The following SREBF1 variants were observed in gnomAD, a reference collection of about 807,000 sequenced individuals.
SREBF1 encodes the protein sterol regulatory element binding transcription factor 1.
SREBF1 carries 45 observed loss-of-function variants against 100.1 expected under a neutral mutation model. The observed-to-expected ratio is 0.45, with a 90% confidence interval of 0.35 to 0.58. The LOEUF (loss-of-function observed/expected upper bound fraction) is 0.58. SREBF1 is among the 20% of genes least tolerant of loss of function. SREBF1 has a pLI of 0.00. For missense variants in SREBF1, 1,324 were observed against 1,539.4 expected (o/e 0.86, Z 2.34); for synonymous variants, 657 against 681.8 (o/e 0.96, Z 0.57).
rs1398127356 is a variant in SREBF1 at position 17,817,490 on chromosome 17, A to G, written c.1405-33T>C. 3 of 1,560,576 alleles carry G rather than the reference A, an allele frequency of 1.9e-6. No individual in the cohort carries two copies. The East Asian group carries it at 7.1e-5, about 37-fold the overall frequency. ...GGTTGGGCAGGGTGGTGAGGGCAGAATCGGAGGGACCCCAGAGAGCATGGG... is the reference window on the plus strand; with the variant it reads ...GGTTGGGCAGGGTGGTGAGGGCAGAGTCGGAGGGACCCCAGAGAGCATGGG... On this transcript the variant is annotated intron_variant, in intron 7 of 18. Coordinates refer to ENST00000261646, the MANE Select transcript of SREBF1 (RefSeq NM_004176.5). The surrounding 1 kb of genome is among the most constrained non-coding windows in gnomAD (Gnocchi z 6.6).
At chr17:17,827,112 C>A (rs1184522226) in intron 1 of SREBF1, among the ~76,000 whole-genome samples, 1 of 152,162 alleles carries the variant, frequency 6.6e-6, no homozygotes, top group Admixed American at 6.5e-5. Flanking sequence ...GCAGAAGAAA[C>A]AGTGTGTGCA....
intron 9 of SREBF1, 88 bp downstream of exon 9, chr17:17,816,870 C>T (rs2033647382): frequency 6.3e-7 from 1 of 1,597,940 alleles, no homozygotes; most frequent in Admixed American, 1.7e-5. Flanking sequence ...TCATGGTGTG[C>T]ACAGGGAGCA....
In SREBF1 at chr17:17,824,730, G is replaced by A. The variant is rs905042038; in HGVS notation, c.92-4209C>T. ...CACACCCCAGTTGGCTGCAACCTGA[G>A]AGGGTGCCTGAACCCTGGGCAGACC... On this transcript the variant is annotated intron_variant, in intron 1 of 18. Coordinates refer to ENST00000261646, the MANE Select transcript of SREBF1 (RefSeq NM_004176.5). This position sits in a 1 kb window ranked among gnomAD's most constrained non-coding sequence, Gnocchi z 4.2. 1.2e-4 allele frequency among the ~76,000 whole-genome samples: 19 copies of A among 152,218 alleles called. No homozygotes were observed. The highest frequency in any genetic ancestry group is 2.9e-5 in the Non-Finnish European group (2 of 68,040).
chr17:17,832,710 G>A (rs1051248687), intron 1 of SREBF1, among the ~76,000 whole-genome samples: 7 of 152,162 alleles, frequency 4.6e-5, no homozygotes, highest in African/African-American at 1.7e-4. Flanking sequence ...CATGAGGTCA[G>A]GAGATCGAGA....
Position 17,812,852 on chromosome 17 carries a change from C to G in SREBF1, c.3215-1G>C. 6.8e-7 allele frequency: 1 copy of G among 1,473,886 alleles called. No homozygotes were observed. The highest frequency in any genetic ancestry group is 2.6e-5 in the East Asian group (1 of 39,022). The allele number at this position is 1,473,886 out of a possible 1,614,324, so 91.3% of individuals were successfully genotyped here. A position where few individuals can be genotyped will look rare whatever the true frequency, so the allele number is the denominator to read the frequency against. ...CGCGGCTCCAGCTCCGCCACCGCGC[C>G]TGCGCACACGAGGATGTGTCAGGGA... On this transcript the variant is annotated splice_acceptor_variant, in intron 18 of 18. Coordinates refer to ENST00000261646, the MANE Select transcript of SREBF1 (RefSeq NM_004176.5). LOFTEE classifies it high-confidence loss of function.
At chr17:17,818,672 C>T in intron 5 of SREBF1, 1 of 542,580 alleles carries the variant, frequency 1.8e-6, no homozygotes, top group Admixed American at 3.1e-5. Flanking sequence ...CCATCCTCTT[C>T]CTGCTTTCTC....
At chr17:17,835,200 G>T (rs1039572237) in intron 1 of SREBF1, among the ~76,000 whole-genome samples, 23 of 152,118 alleles carry the variant, frequency 1.5e-4, no homozygotes, top group Non-Finnish European at 2.9e-5. Context: ...GCTTGGTCAC[G>T]TTGCCTCTTG....
In SREBF1 at chr17:17,836,884, C is replaced by T; in HGVS notation, c.-67G>A. ...CTCGTACGGCCCTTCCTAGGGAGCGCCGCCGCGGCCCCGGCTCTCAGTCGC... is the reference window on the plus strand; with the variant it reads ...CTCGTACGGCCCTTCCTAGGGAGCGTCGCCGCGGCCCCGGCTCTCAGTCGC... On this transcript the variant is annotated 5_prime_UTR_variant, in exon 1 of 19. Transcript: ENST00000261646. 1 of 1,391,412 alleles carries T rather than the reference C, an allele frequency of 7.2e-7. No individual in the cohort carries two copies. Among genetic ancestry groups the T allele is most frequent in the Non-Finnish European group, 9.4e-7 (1 of 1,063,426 alleles). 86.2% of individuals were successfully genotyped at this position (1,391,412 alleles called of 1,614,324 possible).
rs373675923 is a variant in SREBF1, at chr17:17,817,437, C to T, written c.1425G>A (p.Pro475=). Residue 475 remains proline, a synonymous_variant, in exon 8 of 19, where the codon CCG becomes CCA. Coordinates refer to ENST00000261646, the MANE Select transcript of SREBF1 (RefSeq NM_004176.5). The surrounding 1 kb of genome is among the most constrained non-coding windows in gnomAD (Gnocchi z 6.6). ...CCAGCATGCCCCGGCTGTGCAGAGA[C>T]GGCCGCTGCTCTGGCTTTGCCTGGT... ...EDSKAKPEQR[P]SLHSRGMLDR... The T allele has an allele frequency of 9.4e-5, 150 of 1,587,760 alleles. No homozygotes were observed. The highest frequency in any genetic ancestry group is 3.3e-4 in the Middle Eastern group (2 of 5,994).
intron 13 of SREBF1, 103 bp from the exon 14 acceptor site, chr17:17,815,047 G>A: frequency 7.8e-7 from 1 of 1,286,714 alleles, no homozygotes; most frequent in East Asian, 2.5e-5. Flanking sequence ...GCTCTGCAAA[G>A]TGCCACTGTC....
chr17:17,815,650 TG>T, intron 12 of SREBF1: 1 of 616,026 alleles, frequency 1.6e-6, no homozygotes, highest in South Asian at 2.0e-5. Context: ...ATTAGCCATC[TG>T]CCCATCAATC....
In SREBF1 at chr17:17,814,635, G is replaced by A. The variant is rs375856719; in HGVS notation, c.2715C>T (p.Pro905=). 7.8e-5 allele frequency: 120 copies of A among 1,547,470 alleles called. No individual in the cohort carries two copies. In the African/African-American group the frequency reaches 1.5e-3, roughly 19 times the overall value. Residue 905 remains proline, a synonymous_variant, in exon 15 of 19, where the codon CCC becomes CCT. Coordinates refer to ENST00000261646, the MANE Select transcript of SREBF1 (RefSeq NM_004176.5). The part of the protein sequence containing the change: ...ERLCPLVEHL[P]RVLQESERPL... Reference sequence around the variant, plus strand: ...CTCACTCAGACTCCTGCAGCACCCGGGGCAGGTGCTCCACCAGCGGGCACA... The same window carrying A: ...CTCACTCAGACTCCTGCAGCACCCGAGGCAGGTGCTCCACCAGCGGGCACA...
rs2033188159 is a variant in SREBF1 at position 17,813,566 on chromosome 17, C to T, written c.3102+3G>A. 6 of 1,595,766 alleles carry T rather than the reference C, an allele frequency of 3.8e-6. No individual in the cohort carries two copies. The highest frequency in any genetic ancestry group is 5.1e-6 in the Non-Finnish European group (6 of 1,173,724). On this transcript the variant is annotated splice_donor_region_variant and intron_variant, in intron 17 of 18. Coordinates refer to ENST00000261646, the MANE Select transcript of SREBF1 (RefSeq NM_004176.5). Reference sequence around the variant, plus strand: ...CTTGAGGACAGGGCCATCGGGCACTCACCCTCCGCATGGCGGGCCGGAAGC... The same window carrying T: ...CTTGAGGACAGGGCCATCGGGCACTTACCCTCCGCATGGCGGGCCGGAAGC...
intron 1 of SREBF1, among the ~76,000 whole-genome samples, chr17:17,833,804 G>A (rs2035054668): frequency 1.3e-5 from 2 of 151,948 alleles, no homozygotes; most frequent in Admixed American, 1.3e-4. Flanking sequence ...GGCCAACATG[G>A]CCATCTCTAC....
At position 17,816,321 on chromosome 17, in the gene SREBF1, C is replaced by G. The variant is rs1355512158; in HGVS notation, c.2100G>C (p.Leu700=). Reference sequence around the variant, plus strand: ...CATCCCCTGCACACTCTGCCAGGTTCAGGGCACTCAGCGCCAGGTTGGTGG... The same window carrying G: ...CATCCCCTGCACACTCTGCCAGGTTGAGGGCACTCAGCGCCAGGTTGGTGG... ...LTATNLALSA[L]NLAECAGDAV... The change falls in exon 11 of 19, where the codon CTG becomes CTC. Residue 700 remains leucine (L), a synonymous_variant. Coordinates refer to ENST00000261646, the MANE Select transcript of SREBF1 (RefSeq NM_004176.5). 2 of 1,589,238 alleles carry G rather than the reference C, an allele frequency of 1.3e-6. No homozygotes were observed. The highest frequency in any genetic ancestry group is 2.3e-5 in the East Asian group (1 of 43,504).
At chr17:17,814,577 G>A in intron 15 of SREBF1, 38 bp downstream of exon 15, 1 of 1,536,906 alleles carries the variant, frequency 6.5e-7, no homozygotes, top group Non-Finnish European at 8.7e-7. Context: ...GGAAGGCTGA[G>A]CCCGGGACCA....
At chr17:17,820,802 C>T in intron 1 of SREBF1, 1 of 500,942 alleles carries the variant, frequency 2.0e-6, no homozygotes, top group Non-Finnish European at 3.7e-6. Flanking sequence ...TCTTGCCCCA[C>T]AGCTAGGCTG....
Position 17,815,279 on chromosome 17 carries a change from G to A in SREBF1, c.2434C>T (p.Arg812Ter), listed in dbSNP as rs1398157653. ...GGCTGGGTCACACAGTTCAGTGCTC[G>A]CTCTAAGAGATGTTCCCGGAATAGC... Reference protein sequence around the residue: ...TQLFREHLLERALNCVTQPNP... With the variant: ...TQLFREHLLE Residue 812 changes from arginine (R) to a stop codon, truncating the protein, a stop_gained, in exon 13 of 19, where the codon CGA becomes TGA. Transcript: ENST00000261646. LOFTEE classifies it high-confidence loss of function. The A allele has an allele frequency of 3.1e-6, 5 of 1,613,676 alleles. No homozygotes were observed. Among genetic ancestry groups the A allele is most frequent in the Non-Finnish European group, 4.2e-6 (5 of 1,179,998 alleles).
chr17:17,826,749 G>A (rs988374043), intron 1 of SREBF1, among the ~76,000 whole-genome samples: 2 of 152,178 alleles, frequency 1.3e-5, no homozygotes, highest in African/African-American at 4.8e-5. Flanking sequence ...CTCTCTGAAG[G>A]CAGATGCAGG....
Sources: gnomAD v4.1 joint callset for allele counts (sites outside exome capture counted in the v4.1 genomes callset) on GRCh38, gnomAD v4.1.1 for gene constraint, Gnocchi (gnomAD v3.1) non-coding constraint, MANE v1.5 for transcripts, NCBI Gene and HGNC (gene_info 2026-07-23, HGNC 2026-07-21) for gene names.